ABCB5: variants seen among roughly 807,000 people sequenced by gnomAD.
The protein encoded by ABCB5 is ATP-binding cassette sub-family B member 5.
Under a neutral mutation model 144.2 loss-of-function variants are expected in ABCB5, and 155 were observed. That is an observed-to-expected ratio of 1.08 (90% CI 0.94 to 1.23). The LOEUF is 1.23. Among genes scored for constraint, ABCB5 ranks in the 50% most tolerant of loss-of-function variants. ABCB5 has a pLI of 0.00. For missense variants in ABCB5, 1,830 were observed against 1,520.8 expected (o/e 1.20, Z -3.38); for synonymous variants, 610 against 528.6 (o/e 1.15, Z -2.11).
chr7:20,680,453 G>T (rs935684575), intron 14 of ABCB5, among the ~76,000 whole-genome samples: 3 of 151,840 alleles, frequency 2.0e-5, no homozygotes, highest in African/African-American at 7.3e-5. Flanking sequence ...GGCACCTGTA[G>T]TCCCAGCTAC....
intron 19 of ABCB5, among the ~76,000 whole-genome samples, chr7:20,703,931 T>C (rs773053405): frequency 2.0e-4 from 30 of 152,284 alleles, no homozygotes; most frequent in Non-Finnish European, 3.7e-4. Context: ...CGCCCATTGC[T>C]GTAAGTTCTA....
chr7:20,727,061 A>G lies in ABCB5; in HGVS notation c.2647A>G (p.Asn883Asp). 6.2e-7 allele frequency: 1 copy of G among 1,612,548 alleles called. No individual in the cohort carries two copies. Among genetic ancestry groups the G allele is most frequent in the African/African-American group, 1.3e-5 (1 of 74,980 alleles). Residue 883 changes from asparagine (N) to aspartate (D), a missense_variant, in exon 22 of 28, where the codon AAT becomes GAT. Transcript: ENST00000404938. ...AGKIATEALENIRTIVSLTRE... is the reference protein window; with the variant it reads ...AGKIATEALEDIRTIVSLTRE... ...TAAGATAGCAACTGAAGCTTTGGAG[A>G]ATATACGTACTATAGTGTCATTAAC...
intron 2 of ABCB5, among the ~76,000 whole-genome samples, chr7:20,624,923 C>T (rs1783875995): frequency 6.6e-6 from 1 of 152,204 alleles, no homozygotes; most frequent in South Asian, 2.1e-4. Flanking sequence ...GAGGAGACCC[C>T]CAAACCCGCC....
intron 16 of ABCB5, among the ~76,000 whole-genome samples, chr7:20,693,114 AT>A: frequency 6.6e-6 from 1 of 152,284 alleles, no homozygotes; most frequent in African/African-American, 2.4e-5. Flanking sequence ...AATAGACCAT[AT>A]TCTGGACTAT....
intron 16 of ABCB5, among the ~76,000 whole-genome samples, chr7:20,695,803 G>T (rs116166698): frequency 0.015 from 2,272 of 151,850 alleles, 69 homozygotes; most frequent in African/African-American, 0.051. Flanking sequence ...TTGGAAATAA[G>T]CACACAAAAA....
chr7:20,682,476 C>T (rs1358333091), intron 15 of ABCB5, among the ~76,000 whole-genome samples: 1 of 152,072 alleles, frequency 6.6e-6, no homozygotes, highest in Non-Finnish European at 1.5e-5. Context: ...ACATAAAGGA[C>T]AAATTCAGGT....
chr7:20,755,836 C>T lies in ABCB5; in HGVS notation c.*212C>T, dbSNP rs1029268334. 5.2e-5 allele frequency: 27 copies of T among 522,638 alleles called. No individual in the cohort carries two copies. In the Admixed American group the frequency reaches 9.2e-4, roughly 18 times the overall value. 32.4% of individuals were successfully genotyped at this position (522,638 alleles called of 1,614,324 possible). On this transcript the variant is annotated 3_prime_UTR_variant, in exon 28 of 28. Transcript: ENST00000404938. ...CTTATTTCATGTAAGTGAAATAATG[C>T]TTATATCCTTCACTTTATAAAACTA...
At chr7:20,674,609 C>T (rs1239776234) in intron 14 of ABCB5, among the ~76,000 whole-genome samples, 1 of 151,466 alleles carries the variant, frequency 6.6e-6, no homozygotes, top group Non-Finnish European at 1.5e-5. Flanking sequence ...ACCTATAGTA[C>T]CTCTTACCAC....
intron 16 of ABCB5, among the ~76,000 whole-genome samples, chr7:20,691,274 T>C (rs1018617403): frequency 7.7e-6 from 1 of 130,540 alleles, no homozygotes; most frequent in Admixed American, 9.4e-5. Flanking sequence ...AAACTCCGCC[T>C]CCCGAAACTC....
intron 20 of ABCB5, among the ~76,000 whole-genome samples, chr7:20,716,278 T>C (rs1304891562): frequency 6.6e-6 from 1 of 151,734 alleles, no homozygotes; most frequent in Non-Finnish European, 1.5e-5. Flanking sequence ...CTACAAAACA[T>C]AACCCCCTAT....
At chr7:20,689,459 AG>A (rs1786134135) in intron 16 of ABCB5, among the ~76,000 whole-genome samples, 1 of 152,194 alleles carries the variant, frequency 6.6e-6, no homozygotes, top group Admixed American at 6.5e-5. Flanking sequence ...TGGAACAAGA[AG>A]CTAGCCAAGA....
chr7:20,661,277 C>G (rs1466295106), intron 14 of ABCB5, among the ~76,000 whole-genome samples: 1 of 152,228 alleles, frequency 6.6e-6, no homozygotes, highest in Non-Finnish European at 1.5e-5. Context: ...ATGCCTGCTT[C>G]TTAAACATAC....
Position 20,742,892 on chromosome 7 carries a change from A to T in ABCB5, c.3040A>T (p.Asn1014Tyr). Reference sequence around the variant, plus strand: ...CCTTTCACAGGACACATGTGAAGGGAATTTAGAGTTTCGAGAAGTCTCTTT... The same window carrying T: ...CCTTTCACAGGACACATGTGAAGGGTATTTAGAGTTTCGAGAAGTCTCTTT... ...EGKKPDTCEG[N>Y]LEFREVSFFY... The change falls in exon 25 of 28, where the codon AAT becomes TAT. Residue 1014 changes from asparagine (N) to tyrosine (Y), a missense_variant. Asn to Tyr is a moderately radical substitution (Grantham distance 143). Transcript: ENST00000404938. 6.2e-7 allele frequency: 1 copy of T among 1,614,102 alleles called. No individual in the cohort carries two copies. The highest frequency in any genetic ancestry group is 8.5e-7 in the Non-Finnish European group (1 of 1,180,026).
intron 20 of ABCB5, among the ~76,000 whole-genome samples, chr7:20,716,148 G>C (rs1252498730): frequency 2.0e-5 from 3 of 152,140 alleles, no homozygotes; most frequent in African/African-American, 7.2e-5. Context: ...CAGTGGATAT[G>C]TTTTATCCTT....
At chr7:20,698,246 T>A (rs1786490708) in intron 16 of ABCB5, among the ~76,000 whole-genome samples, 161 bp from the exon 17 acceptor site, 1 of 152,218 alleles carries the variant, frequency 6.6e-6, no homozygotes, top group South Asian at 2.1e-4. Flanking sequence ...AGGGTCATCG[T>A]TAATAATACG....
At chr7:20,628,535 A>T (rs1163217876) in intron 3 of ABCB5, among the ~76,000 whole-genome samples, 153 bp from the exon 4 acceptor site, 1 of 152,184 alleles carries the variant, frequency 6.6e-6, no homozygotes, top group Non-Finnish European at 1.5e-5. Context: ...ATATAAATAC[A>T]TATCTATGAT....
intron 14 of ABCB5, among the ~76,000 whole-genome samples, chr7:20,672,722 T>C (rs543269898): frequency 1.3e-5 from 2 of 152,232 alleles, no homozygotes; most frequent in East Asian, 3.9e-4. Flanking sequence ...AGGTTCCTTT[T>C]GTTTGTTTGT....
At position 20,723,186 on chromosome 7, in the gene ABCB5, C is replaced by G. The variant is rs147792312; in HGVS notation, c.2592C>G (p.Asn864Lys). Residue 864 changes from asparagine (N) to lysine (K), a missense_variant, in exon 21 of 28, where the codon AAC becomes AAG. By Grantham distance (94) the Asn-to-Lys change is moderately conservative (BLOSUM62 0). Transcript: ENST00000404938. The stretch of plus-strand genomic sequence containing the variant: ...CCGCAGCAATGACTGGATTTGCCAA[C>G]AAAGATAAGCAAGAACTTAAGCATG... ...IETAAMTGFA[N>K]KDKQELKHAG... is the part of the protein sequence containing the mutation. 6.2e-7 allele frequency: 1 copy of G among 1,614,064 alleles called. No individual in the cohort carries two copies. The highest frequency in any genetic ancestry group is 8.5e-7 in the Non-Finnish European group (1 of 1,180,028).
At position 20,625,020 on chromosome 7, in the gene ABCB5, T is replaced by G. The variant is rs149821908; in HGVS notation, c.54-1537T>G. Among the ~76,000 whole-genome samples the G allele has an allele frequency of 2.5e-3, 377 of 152,310 alleles. 1 individual carries two copies. The highest frequency in any genetic ancestry group is 8.7e-3 in the African/African-American group (361 of 41,574). On this transcript the variant is annotated intron_variant, in intron 2 of 27. Coordinates refer to ENST00000404938, the MANE Select transcript of ABCB5 (RefSeq NM_001163941.2). ...CAAGCCCTCCTTCGAAACCTTTCCATGAAGGTCAATCGGAGTTAGAAATTA... is the reference window on the plus strand; with the variant it reads ...CAAGCCCTCCTTCGAAACCTTTCCAGGAAGGTCAATCGGAGTTAGAAATTA...
Sources: allele counts gnomAD v4.1 joint callset (sites outside exome capture counted in the v4.1 genomes callset), GRCh38; gene constraint gnomAD v4.1.1; transcripts MANE v1.5; gene names NCBI Gene and HGNC (gene_info 2026-07-23, HGNC 2026-07-21).